The following MAGI2 variants were observed in gnomAD, a reference collection of about 807,000 sequenced individuals.
MAGI2 encodes the protein membrane-associated guanylate kinase, WW and PDZ domain-containing protein 2.
A neutral mutation model predicts 133.3 loss-of-function variants in MAGI2; 35 were observed. The ratio of observed to expected loss-of-function variants is 0.26; its 90% CI spans 0.20 to 0.35. The LOEUF is 0.35. Among genes scored for constraint, MAGI2 ranks in the 10% least tolerant of loss-of-function variants. MAGI2 has a pLI of 1.00. For synonymous variants in MAGI2, 729 were observed against 710.6 expected, an observed-to-expected ratio of 1.03 and a Z score of -0.41; for missense variants, 1,636 against 1,863.4, an observed-to-expected ratio of 0.88 and a Z score of 2.25.
intron 3 of MAGI2, chr7:78,615,577 A>G (rs936529835): frequency 6.6e-6 from 1 of 152,226 alleles, no homozygotes; most frequent in South Asian, 2.1e-4. Context: ...CCTTTGGGAA[A>G]TGGCATCCTC....
intron 1 of MAGI2, among the ~76,000 whole-genome samples, chr7:79,007,949 A>C (rs1807625271): frequency 6.6e-6 from 1 of 151,964 alleles, no homozygotes; most frequent in African/African-American, 2.4e-5. Flanking sequence ...TGACCTTATA[A>C]TCTAATAAAA....
intron 10 of MAGI2, among the ~76,000 whole-genome samples, chr7:78,215,097 G>GCAGA (rs762432530): frequency 2.0e-5 from 3 of 152,300 alleles, no homozygotes; most frequent in East Asian, 3.9e-4. Context: ...TCTCACAAAA[G>GCAGA]CAGACCCTGA....
At chr7:78,920,903 AAG>A (rs1799173692) in intron 2 of MAGI2, among the ~76,000 whole-genome samples, 1 of 152,168 alleles carries the variant, frequency 6.6e-6, no homozygotes, top group South Asian at 2.1e-4. Flanking sequence ...GTTTTTATAC[AAG>A]ACTTAATTCC....
At chr7:78,168,217 C>A in intron 14 of MAGI2, 109 bp from the exon 15 acceptor site, 1 of 909,256 alleles carries the variant, frequency 1.1e-6, no homozygotes, top group Non-Finnish European at 1.7e-6. Flanking sequence ...GTACAGTGGC[C>A]CAGTCTCAGC....
rs116748939 is a variant in MAGI2, at chr7:79,389,826, G to T, written c.301+63194C>A. On this transcript the variant is annotated intron_variant, in intron 1 of 21. Coordinates refer to ENST00000354212, the MANE Select transcript of MAGI2 (RefSeq NM_012301.4). ...GACTAGGGCTGGCTGGGACCAGTTT[G>T]GGTTTCCTGAGTCTAGAGCTATCCC... Among the ~76,000 whole-genome samples the T allele has an allele frequency of 8.7e-3, 1,327 of 152,066 alleles. 13 individuals are homozygous for T. Among genetic ancestry groups the T allele is most frequent in the African/African-American group, 0.031 (1,269 of 41,474 alleles).
intron 1 of MAGI2, among the ~76,000 whole-genome samples, chr7:79,105,515 T>A (rs1022473843): frequency 6.6e-6 from 1 of 152,196 alleles, no homozygotes. Flanking sequence ...ATTATCTGAA[T>A]GTGGCTTATC....
At chr7:78,870,181 C>T (rs1392506528) in intron 2 of MAGI2, among the ~76,000 whole-genome samples, 1 of 151,740 alleles carries the variant, frequency 6.6e-6, no homozygotes, top group East Asian at 1.9e-4. Flanking sequence ...AAAACTCCAT[C>T]TCAACAAAAA....
intron 2 of MAGI2, among the ~76,000 whole-genome samples, chr7:79,002,728 GTCT>G (rs1807004275): frequency 6.6e-6 from 1 of 151,544 alleles, no homozygotes; most frequent in African/African-American, 2.4e-5. Context: ...CTGCACAATT[GTCT>G]TCTTAAGATG....
intron 2 of MAGI2, among the ~76,000 whole-genome samples, chr7:78,830,825 T>C (rs1290009309): frequency 6.6e-6 from 1 of 152,138 alleles, no homozygotes; most frequent in Non-Finnish European, 1.5e-5. Context: ...CAATTGGCAA[T>C]CTAGCTAGCC....
chr7:78,530,909 G>T (rs1307144572), intron 3 of MAGI2, among the ~76,000 whole-genome samples: 2 of 152,072 alleles, frequency 1.3e-5, no homozygotes, highest in East Asian at 1.9e-4. Flanking sequence ...TAATCCAAAA[G>T]GTTAATCTTA....
rs570139305 is a variant in MAGI2 at position 79,012,670 on chromosome 7, C to G, written c.302-5464G>C. On this transcript the variant is annotated intron_variant, in intron 1 of 21. Coordinates refer to ENST00000354212, the MANE Select transcript of MAGI2 (RefSeq NM_012301.4). ...CAGTCAGGTAAACAAGTTTTAGTTA[C>G]CATCCCAACACTTATTCATTAAGTG... Among the ~76,000 whole-genome samples the G allele has an allele frequency of 2.0e-5, 3 of 152,224 alleles. No individual in the cohort carries two copies. The East Asian group carries it at 5.8e-4, about 29-fold the overall frequency.
At chr7:78,855,204 T>A (rs1793525979) in intron 2 of MAGI2, among the ~76,000 whole-genome samples, 1 of 152,056 alleles carries the variant, frequency 6.6e-6, no homozygotes, top group Non-Finnish European at 1.5e-5. Flanking sequence ...TCCTACCACC[T>A]CAGCCCCAAG....
chr7:78,942,892 GAA>G (rs5885102), intron 2 of MAGI2, among the ~76,000 whole-genome samples: 2,563 of 137,542 alleles, frequency 0.019, 67 homozygotes, highest in African/African-American at 0.062. Flanking sequence ...CGTAGTAAGT[GAA>G]AAAAAAAAAA....
At chr7:78,395,816 C>T (rs10281742) in intron 6 of MAGI2, among the ~76,000 whole-genome samples, 80,762 of 151,982 alleles carry the variant, frequency 0.53, 22,403 homozygotes, top group Middle Eastern at 0.64. Flanking sequence ...TAGATAGATA[C>T]ATCTTAAATG....
rs558028118 is a variant in MAGI2, at chr7:78,120,918, G to A, written c.3567+4776C>T. 7.0e-4 allele frequency among the ~76,000 whole-genome samples: 99 copies of A among 142,006 alleles called. 2 individuals carry two copies. In the East Asian group the frequency reaches 0.016, roughly 24 times the overall value. The allele number at this position is 142,006 out of a possible 152,430, so 93.2% of individuals were successfully genotyped here. ...TGGGAGGCTGAGGCAGGAGAATGGC[G>A]TGAACCCGGGAGGCGGAGCTTGCAG... On this transcript the variant is annotated intron_variant, in intron 20 of 21. Coordinates refer to ENST00000354212, the MANE Select transcript of MAGI2 (RefSeq NM_012301.4).
intron 10 of MAGI2, among the ~76,000 whole-genome samples, chr7:78,208,299 G>A (rs973474522): frequency 6.6e-6 from 1 of 152,080 alleles, no homozygotes; most frequent in South Asian, 2.1e-4. Context: ...TATGGAGAGA[G>A]CCATCCAACC....
At chr7:79,072,118 G>A (rs1172474955) in intron 1 of MAGI2, among the ~76,000 whole-genome samples, 5 of 152,108 alleles carry the variant, frequency 3.3e-5, no homozygotes, top group Non-Finnish European at 7.4e-5. Flanking sequence ...TCCATGGGCT[G>A]CACCCACTGT....
intron 2 of MAGI2, among the ~76,000 whole-genome samples, chr7:78,745,783 C>A (rs1375966248): frequency 6.6e-6 from 1 of 152,174 alleles, no homozygotes; most frequent in Non-Finnish European, 1.5e-5. Context: ...TACAACATTA[C>A]TGGGATACTC....
chr7:79,345,232 G>A (rs1304581070), intron 1 of MAGI2, among the ~76,000 whole-genome samples: 1 of 151,946 alleles, frequency 6.6e-6, no homozygotes, highest in Non-Finnish European at 1.5e-5. Context: ...CGAGAAATGT[G>A]GGCACAGACA....
Sources: allele counts gnomAD v4.1 joint callset (sites outside exome capture counted in the v4.1 genomes callset), GRCh38; gene constraint gnomAD v4.1.1; transcripts MANE v1.5; gene names NCBI Gene and HGNC (gene_info 2026-07-23, HGNC 2026-07-21).